Variants in MAN2B1 observed in about 807,000 individuals in gnomAD.
The protein encoded by MAN2B1 is mannosidase alpha class 2B member 1, also known as lysosomal alpha-mannosidase.
In MAN2B1, 99 loss-of-function variants were observed where a neutral mutation model predicts 127.5. That is an observed-to-expected ratio of 0.78 (90% CI 0.66 to 0.92). MAN2B1 has a LOEUF of 0.92. Ranked by LOEUF, MAN2B1 falls within the 40% of genes least tolerant of loss-of-function variation. MAN2B1 has a pLI of 0.00. For missense variants in MAN2B1, 1,304 were observed against 1,384.8 expected (o/e 0.94, Z 0.93); for synonymous variants, 573 against 568.8 (o/e 1.01, Z -0.11).
Position 12,658,644 on chromosome 19 carries a change from A to T in MAN2B1, c.1027-134T>A, listed in dbSNP as rs538438295. 32 of 824,256 alleles carry T rather than the reference A, an allele frequency of 3.9e-5. No individual in the cohort carries two copies. In the East Asian group the frequency reaches 8.0e-4, roughly 21 times the overall value. The allele number at this position is 824,256 out of a possible 1,614,324, so 51.1% of individuals were successfully genotyped here. A position where few individuals can be genotyped will look rare whatever the true frequency, so the allele number is the denominator to read the frequency against. ...AAATACATATTTGGCGTGCAAGCCA[A>T]TGGTTGGGTGTGAAAATGAATTTTG... On this transcript the variant is annotated intron_variant, in intron 7 of 23. Coordinates refer to ENST00000456935, the MANE Select transcript of MAN2B1 (RefSeq NM_000528.4).
chr19:12,665,465 A>C lies in MAN2B1; in HGVS notation c.323T>G (p.Leu108Trp). 2 of 1,614,192 alleles carry C rather than the reference A, an allele frequency of 1.2e-6. No individual in the cohort carries two copies. Among genetic ancestry groups the C allele is most frequent in the Non-Finnish European group, 1.7e-6 (2 of 1,180,034 alleles). Residue 108 changes from leucine (L) to tryptophan (W), a missense_variant, in exon 3 of 24, where the codon TTG (leucine) becomes TGG (tryptophan). By Grantham distance (61) the Leu-to-Trp change is moderately conservative (BLOSUM62 -2). Transcript: ENST00000456935. ...QYILDSVISA[L>W]LADPTRRFIY... ...GAAGCGACGGGTGGGATCTGCCAGC[A>C]AGGCAGAGATGACCGAGTCCAGGAT...
In MAN2B1 at chr19:12,657,080, G is replaced by A. The variant is rs777219772; in HGVS notation, c.1420-24C>T. 12 of 1,427,174 alleles carry A rather than the reference G, an allele frequency of 8.4e-6. No individual in the cohort carries two copies. The South Asian group carries it at 1.1e-4, about 13-fold the overall frequency. 88.4% of individuals were successfully genotyped at this position (1,427,174 alleles called of 1,614,324 possible). On this transcript the variant is annotated intron_variant, in intron 11 of 23. Transcript: ENST00000456935. Reference sequence around the variant, plus strand: ...ACCTGCGGAAGAGCGCAAAGGGACCGGTGGGTTCAGGACGCCAGGCCTGAC... The same window carrying A: ...ACCTGCGGAAGAGCGCAAAGGGACCAGTGGGTTCAGGACGCCAGGCCTGAC...
rs1395412629 is a variant in MAN2B1, at chr19:12,661,309, T to C, written c.977A>G (p.Asn326Ser). The C allele has an allele frequency of 6.2e-7, 1 of 1,614,130 alleles. No homozygotes were observed. The highest frequency in any genetic ancestry group is 1.7e-5 in the Admixed American group (1 of 60,014). The change falls in exon 7 of 24, where the codon AAC becomes AGC. Residue 326 changes from asparagine to serine, a missense_variant. By Grantham distance (46) the Asn-to-Ser change is conservative. Coordinates refer to ENST00000456935, the MANE Select transcript of MAN2B1 (RefSeq NM_000528.4). Reference sequence around the variant, plus strand: ...CTTGTCAAGGTTCTTGAACCACATGTTGGCATTCTCATATTGGAAGTCCGA... The same window carrying C: ...CTTGTCAAGGTTCTTGAACCACATGCTGGCATTCTCATATTGGAAGTCCGA... The part of the protein sequence containing the change: ...MGSDFQYENA[N>S]MWFKNLDKLI...
intron 23 of MAN2B1, 74 bp from the exon 24 acceptor site, chr19:12,646,806 C>T (rs1599337410): frequency 9.3e-7 from 1 of 1,075,276 alleles, no homozygotes; most frequent in East Asian, 2.4e-5. Context: ...TGCTTCCTCC[C>T]CTGGGTCTAG....
At chr19:12,663,951 G>A (rs941890393) in intron 4 of MAN2B1, 116 bp from the exon 5 acceptor site, 12 of 1,350,596 alleles carry the variant, frequency 8.9e-6, no homozygotes, top group Admixed American at 5.4e-5. Flanking sequence ...GTGCTAGGTC[G>A]ATGTGGTGGC....
Position 12,656,788 on chromosome 19 carries a change from C to T in MAN2B1, c.1528-101G>A, listed in dbSNP as rs2288452. The T allele has an allele frequency of 1.9e-4, 216 of 1,110,760 alleles. 2 individuals carry two copies. The East Asian group carries it at 4.7e-3, about 24-fold the overall frequency. The allele number at this position is 1,110,760 out of a possible 1,614,324, so 68.8% of individuals were successfully genotyped here. On this transcript the variant is annotated intron_variant, in intron 12 of 23. Coordinates refer to ENST00000456935, the MANE Select transcript of MAN2B1 (RefSeq NM_000528.4). The stretch of plus-strand genomic sequence containing the variant: ...CCCCTGGCTGGTCCTAGTGTGGTCA[C>T]GGCACTTAAGGCCAAGCCCCCTCGA...
At chr19:12,653,811 T>C (rs1472888952) in intron 14 of MAN2B1, among the ~76,000 whole-genome samples, 1 of 151,626 alleles carries the variant, frequency 6.6e-6, no homozygotes, top group Non-Finnish European at 1.5e-5. Flanking sequence ...CTCCACCTCC[T>C]GGGTTCAAGT....
At position 12,657,465 on chromosome 19, in the gene MAN2B1, G is replaced by T; in HGVS notation, c.1400C>A (p.Ala467Glu). 1.9e-6 allele frequency: 3 copies of T among 1,557,186 alleles called. No individual in the cohort carries two copies. In the South Asian group the frequency reaches 3.5e-5, roughly 18 times the overall value. ...GCGCACCTCGCAAGGCCCCCAGCCT[G>T]CCGCAAGCTGGCGCGCGTAGTCGTT... Reference protein sequence around the residue: ...VANDYARQLAAGWGPCEVLLS... With the variant: ...VANDYARQLAEGWGPCEVLLS... The change falls in exon 11 of 24, where the codon GCA becomes GAA. Residue 467 changes from alanine to glutamate, a missense_variant. Physicochemically the swap from Ala to Glu is moderately radical, Grantham distance 107. Transcript: ENST00000456935.
chr19:12,665,914 CTA>C, intron 1 of MAN2B1, 109 bp from the exon 2 acceptor site: 1 of 844,894 alleles, frequency 1.2e-6, no homozygotes, highest in Non-Finnish European at 2.0e-6. Flanking sequence ...CTGATCTCGC[CTA>C]TGTGCAGAGG....
At chr19:12,657,263 C>T (rs1195563884) in intron 11 of MAN2B1, 183 bp downstream of exon 11, 1 of 708,114 alleles carries the variant, frequency 1.4e-6, no homozygotes, top group South Asian at 1.5e-5. Context: ...TTCCCCCCTC[C>T]AAAGCCCCGC....
rs545541738 is a variant in MAN2B1 at position 12,648,217 on chromosome 19, A to G, written c.2622T>C (p.Gly874=). The change falls in exon 21 of 24, where the codon GGT becomes GGC. Residue 874 remains glycine (G), a synonymous_variant. Transcript: ENST00000456935. Reference sequence around the variant, plus strand: ...CCCCGAGATTGTAGGCGGCGCCGCCACCCGGGGCCAGCACCACCTGAGGGG... The same window carrying G: ...CCCCGAGATTGTAGGCGGCGCCGCCGCCCGGGGCCAGCACCACCTGAGGGG... ...VLAPQVVLAP[G]GGAAYNLGAP... 19 of 1,571,766 alleles carry G rather than the reference A, an allele frequency of 1.2e-5. No homozygotes were observed. In the East Asian group the frequency reaches 4.5e-4, roughly 37 times the overall value.
At chr19:12,652,603 C>T in intron 14 of MAN2B1, 143 bp from the exon 15 acceptor site, 3 of 671,804 alleles carry the variant, frequency 4.5e-6, no homozygotes, top group South Asian at 1.7e-5. Context: ...GCAATCTTGG[C>T]TCACTGCACC....
Position 12,663,248 on chromosome 19 carries a change from G to A in MAN2B1, c.909+69C>T, listed in dbSNP as rs1483827620. 3 of 1,559,118 alleles carry A rather than the reference G, an allele frequency of 1.9e-6. No homozygotes were observed. The African/African-American group carries it at 4.1e-5, about 21-fold the overall frequency. On this transcript the variant is annotated intron_variant, in intron 6 of 23. Transcript: ENST00000456935. ...AAATAAGGAGAACGTGTTAGGGGAT[G>A]CCTGTACCATGGAAAGAGCTCATTG...
rs1249980068 is a variant in MAN2B1, at chr19:12,665,261, T to C, written c.436+91A>G. 5 of 1,498,344 alleles carry C rather than the reference T, an allele frequency of 3.3e-6. No homozygotes were observed. The East Asian group carries it at 1.1e-4, about 34-fold the overall frequency. The allele number at this position is 1,498,344 out of a possible 1,614,324, so 92.8% of individuals were successfully genotyped here. ...GGAGCGACACGCATGTTATACAGCT[T>C]GCACGTGGCATGACAAATCTCAGAA... On this transcript the variant is annotated intron_variant, in intron 3 of 23. Transcript: ENST00000456935.
chr19:12,646,871 C>A (rs536754001), intron 23 of MAN2B1, 139 bp from the exon 24 acceptor site: 15 of 671,812 alleles, frequency 2.2e-5, no homozygotes, highest in Middle Eastern at 4.0e-4. Flanking sequence ...AGACTCTTAA[C>A]CTGCTTCCCC....
rs777432395 is a variant in MAN2B1 at position 12,649,178 on chromosome 19, G to C, written c.2394C>G (p.Ser798=). ...NMQLTVLTDR[S]QGGSSLRDGS... is the part of the protein sequence containing the mutation. ...CATCTCTCAGGCTGCTGCCCCCCTG[G>C]GAGCGGTCAGTCAGCACAGTCAGCT... is the stretch of plus-strand genomic sequence containing the variant. The change falls in exon 20 of 24, where the codon TCC becomes TCG. Residue 798 remains serine, a synonymous_variant. Coordinates refer to ENST00000456935, the MANE Select transcript of MAN2B1 (RefSeq NM_000528.4). The C allele has an allele frequency of 1.2e-6, 2 of 1,612,918 alleles. No individual in the cohort carries two copies. The highest frequency in any genetic ancestry group is 2.2e-5 in the East Asian group (1 of 44,882).
intron 6 of MAN2B1, among the ~76,000 whole-genome samples, chr19:12,661,768 G>A (rs1208790829): frequency 1.3e-5 from 2 of 151,180 alleles, no homozygotes; most frequent in East Asian, 1.9e-4. Flanking sequence ...CAGGAGGATC[G>A]CTTGAGTCTA....
At chr19:12,649,563 G>A (rs1197199437) in intron 18 of MAN2B1, 135 bp from the exon 19 acceptor site, 4 of 648,000 alleles carry the variant, frequency 6.2e-6, no homozygotes, top group Non-Finnish European at 1.1e-5. Context: ...CTCACTGCAA[G>A]CTCCGCCTCC....
Position 12,654,104 on chromosome 19 carries a change from G to A in MAN2B1, c.1830+1590C>T, listed in dbSNP as rs370511430. On this transcript the variant is annotated intron_variant, in intron 14 of 23. Transcript: ENST00000456935. ...GTTGCCCAGGCTGGAATGCAGTGGC[G>A]CCATCTCAGGTCACTGCAAGCTCCG... is the stretch of plus-strand genomic sequence containing the variant. Among the ~76,000 whole-genome samples the A allele has an allele frequency of 3.0e-4, 44 of 148,048 alleles. 2 individuals are homozygous for A. The highest frequency in any genetic ancestry group is 2.4e-3 in the East Asian group (12 of 5,010).
Sources: allele counts gnomAD v4.1 joint callset (sites outside exome capture counted in the v4.1 genomes callset), GRCh38; gene constraint gnomAD v4.1.1; transcripts MANE v1.5; gene names NCBI Gene and HGNC (gene_info 2026-07-23, HGNC 2026-07-21).